LMO7: variants seen among roughly 807,000 people sequenced by gnomAD.
LMO7 encodes LIM domain 7, also known as LIM domain only protein 7.
Under a neutral mutation model 206.5 loss-of-function variants are expected in LMO7, and 120 were observed. The observed-to-expected ratio is 0.58, with a 90% CI of 0.50 to 0.68. LMO7 has a LOEUF of 0.68. LMO7 is among the 30% of genes least tolerant of loss of function. LMO7 has a pLI of 0.00. For missense variants in LMO7, 1,959 were observed against 1,957.9 expected, an observed-to-expected ratio of 1.00 and a Z score of -0.01; for synonymous variants, 706 against 681.5, an observed-to-expected ratio of 1.04 and a Z score of -0.56.
chr13:75,659,302 G>A (rs929746019), intron 1 of LMO7, among the ~76,000 whole-genome samples: 5 of 152,172 alleles, frequency 3.3e-5, no homozygotes, highest in African/African-American at 1.2e-4. Flanking sequence ...AAGTGTGTGA[G>A]TTTTCACCCC....
At position 75,784,323 on chromosome 13, in the gene LMO7, A is replaced by C. The variant is rs756508004; in HGVS notation, c.318-11078A>C. On this transcript the variant is annotated intron_variant, in intron 4 of 30. Transcript: ENST00000377534. ...GTATCTTGGGATTGTGCCAGTAAAC[A>C]TGAGATAAAGAGGCTTTTGTGGAGC... 7.2e-5 allele frequency among the ~76,000 whole-genome samples: 11 copies of C among 152,208 alleles called. 1 individual carries two copies. Among genetic ancestry groups the C allele is most frequent in the Non-Finnish European group, 1.6e-4 (11 of 68,036 alleles).
At chr13:75,626,292 G>A (rs944360463) in intron 2 of LMO7, among the ~76,000 whole-genome samples, 2 of 151,934 alleles carry the variant, frequency 1.3e-5, no homozygotes, top group Non-Finnish European at 2.9e-5. Context: ...CCACATGGCT[G>A]GGGAGGTCTC....
intron 1 of LMO7, among the ~76,000 whole-genome samples, chr13:75,642,561 C>G (rs1451181818): frequency 1.3e-5 from 2 of 151,776 alleles, no homozygotes; most frequent in South Asian, 4.2e-4. Flanking sequence ...CGTAACTGTG[C>G]CACTGCACTC....
intron 4 of LMO7, among the ~76,000 whole-genome samples, chr13:75,777,862 G>A (rs879473785): frequency 4.1e-4 from 62 of 151,982 alleles, no homozygotes; most frequent in African/African-American, 1.5e-3. Flanking sequence ...AGCCAGGATG[G>A]TCTCGATCTC....
chr13:75,789,617 T>C (rs2052963734), intron 4 of LMO7, among the ~76,000 whole-genome samples: 1 of 152,180 alleles, frequency 6.6e-6, no homozygotes, highest in Non-Finnish European at 1.5e-5. Flanking sequence ...GACTCTGGTA[T>C]GCAACCATGT....
In LMO7 at chr13:75,807,548, A is replaced by G. The variant is rs529466164; in HGVS notation, c.1265A>G (p.Lys422Arg). The G allele has an allele frequency of 8.7e-6, 14 of 1,613,900 alleles. No individual in the cohort carries two copies. In the Admixed American group the frequency reaches 1.3e-4, roughly 15 times the overall value. Residue 422 changes from lysine (K) to arginine (R), a missense_variant, in exon 10 of 31, where the codon AAA (lysine) becomes AGA (arginine). Physicochemically the swap from Lys to Arg is conservative, Grantham distance 26. Transcript: ENST00000377534. The part of the protein sequence containing the change: ...DDILSSETHT[K>R]IDPTSGPRLI... ...ATCTTGTCTTCTGAAACACATACCA[A>G]AATTGATCCCACTTCTGGCCCAAGG... is the stretch of plus-strand genomic sequence containing the variant.
chr13:75,818,775 G>A (rs61959580), intron 12 of LMO7, among the ~76,000 whole-genome samples: 4,535 of 152,236 alleles, frequency 0.03, 101 homozygotes, highest in Non-Finnish European at 0.044. Flanking sequence ...CGGACCCATG[G>A]TCTTCTTAGG....
At chr13:75,853,812 C>A (rs1378460648) in intron 28 of LMO7, among the ~76,000 whole-genome samples, 1 of 152,198 alleles carries the variant, frequency 6.6e-6, no homozygotes, top group African/African-American at 2.4e-5. Flanking sequence ...CTCACAGGAA[C>A]TGAGTGTAAA....
intron 4 of LMO7, among the ~76,000 whole-genome samples, chr13:75,776,957 A>G (rs1301013530): frequency 6.6e-6 from 1 of 152,242 alleles, no homozygotes; most frequent in Non-Finnish European, 1.5e-5. Flanking sequence ...GGAAGGTACT[A>G]AGGACATAAT....
At chr13:75,798,584 A>G (rs1018924492) in intron 6 of LMO7, among the ~76,000 whole-genome samples, 5 of 152,234 alleles carry the variant, frequency 3.3e-5, no homozygotes, top group African/African-American at 1.2e-4. Context: ...CCATTCCATT[A>G]TAATAAACTG....
intron 3 of LMO7, among the ~76,000 whole-genome samples, chr13:75,739,628 T>C (rs1393954793): frequency 6.6e-6 from 1 of 152,244 alleles, no homozygotes; most frequent in East Asian, 1.9e-4. Flanking sequence ...CTCTTTCATC[T>C]TTACTCTCCT....
chr13:75,712,540 G>A (rs2043203886), intron 1 of LMO7, among the ~76,000 whole-genome samples: 1 of 152,194 alleles, frequency 6.6e-6, no homozygotes. Flanking sequence ...GCATGTGCCT[G>A]TTCCTTTGTA....
chr13:75,849,094 T>C lies in LMO7; in HGVS notation c.4166T>C (p.Leu1389Ser). ...STNKNGNNKY[L>S]DQIGNMTSSQ... ...TTTAATTTAGGAAACAATAAATATT[T>C]AGACCAAATTGGGAACATGACCTCT... is the stretch of plus-strand genomic sequence containing the variant. The change falls in exon 27 of 31, where the codon TTA (leucine) becomes TCA (serine). Residue 1389 changes from leucine (L) to serine (S), a missense_variant. Transcript: ENST00000377534. 2 of 1,601,078 alleles carry C rather than the reference T, an allele frequency of 1.2e-6. No homozygotes were observed. Among genetic ancestry groups the C allele is most frequent in the Non-Finnish European group, 1.7e-6 (2 of 1,168,504 alleles).
At chr13:75,817,019 G>A in intron 11 of LMO7, 142 bp from the exon 12 acceptor site, 1 of 585,388 alleles carries the variant, frequency 1.7e-6, no homozygotes, top group Admixed American at 3.1e-5. Flanking sequence ...ATTTATCTCT[G>A]TAGTGCTACT....
upstream of LMO7, among the ~76,000 whole-genome samples, chr13:75,633,512 G>C (rs2035273308): frequency 6.6e-6 from 1 of 152,214 alleles, no homozygotes; most frequent in African/African-American, 2.4e-5. Flanking sequence ...CCAGAGCACA[G>C]GAAGTACAGA....
At chr13:75,760,118 T>C (rs1220804794) in intron 3 of LMO7, among the ~76,000 whole-genome samples, 1 of 152,088 alleles carries the variant, frequency 6.6e-6, no homozygotes, top group African/African-American at 2.4e-5. Flanking sequence ...ACCAAATGTA[T>C]GTCTCTGAAA....
rs772562232 is a variant in LMO7, at chr13:75,836,386, A to G, written c.3334-11A>G. Reference sequence around the variant, plus strand: ...GGAGAGAATATTAACTAGCATTTTTACCCTTTCCAGAATATTGAATCCAAA... The same window carrying G: ...GGAGAGAATATTAACTAGCATTTTTGCCCTTTCCAGAATATTGAATCCAAA... On this transcript the variant is annotated splice_polypyrimidine_tract_variant and intron_variant, in intron 18 of 30. Coordinates refer to ENST00000377534, the MANE Select transcript of LMO7 (RefSeq NM_001306080.2). The G allele has an allele frequency of 3.4e-6, 5 of 1,488,804 alleles. No individual in the cohort carries two copies. The highest frequency in any genetic ancestry group is 1.2e-5 in the South Asian group (1 of 82,214). 92.2% of individuals were successfully genotyped at this position (1,488,804 alleles called of 1,614,324 possible).
At chr13:75,732,565 TTTG>T (rs2045355155) in intron 3 of LMO7, among the ~76,000 whole-genome samples, 1 of 152,224 alleles carries the variant, frequency 6.6e-6, no homozygotes, top group Admixed American at 6.5e-5. Flanking sequence ...TTGCCTTTGG[TTTG>T]ACTTTCCTCC....
intron 1 of LMO7, among the ~76,000 whole-genome samples, chr13:75,658,504 G>T (rs2038260079): frequency 6.6e-6 from 1 of 151,944 alleles, no homozygotes. Context: ...TATGACTAAA[G>T]TTCTTATTTA....
Sources: allele counts gnomAD v4.1 joint callset (sites outside exome capture counted in the v4.1 genomes callset), GRCh38; gene constraint gnomAD v4.1.1; transcripts MANE v1.5; gene names NCBI Gene and HGNC (gene_info 2026-07-23, HGNC 2026-07-21).